The following GSE1 variants were observed in gnomAD, a reference collection of about 807,000 sequenced individuals.
GSE1 encodes genetic suppressor element 1.
Under a neutral mutation model 112.6 loss-of-function variants are expected in GSE1, and 32 were observed. The observed-to-expected ratio is 0.28, with a 90% CI of 0.21 to 0.38. The LOEUF (loss-of-function observed/expected upper bound fraction) is 0.38. GSE1 is among the 10% of genes least tolerant of loss of function. The pLI is 1.00. For missense variants in GSE1, 2,348 were observed against 1,699.2 expected, an observed-to-expected ratio of 1.38 and a Z score of -6.71; for synonymous variants, 1,115 against 735.6, an observed-to-expected ratio of 1.52 and a Z score of -8.35.
chr16:85,235,754 G>T (rs960848601), intron 1 of GSE1, among the ~76,000 whole-genome samples: 1 of 151,824 alleles, frequency 6.6e-6, no homozygotes, highest in Non-Finnish European at 1.5e-5. Context: ...GGGCCCGCCC[G>T]CCCCAGGAAG....
chr16:85,346,230 C>T (rs1342706225), intron 1 of GSE1, among the ~76,000 whole-genome samples: 3 of 57,022 alleles, frequency 5.3e-5, no homozygotes, highest in South Asian at 6.5e-4. Context: ...GATGGAGGGG[C>T]GGGTGGGTGG....
chr16:85,315,648 A>C (rs994840615), intron 1 of GSE1, among the ~76,000 whole-genome samples: 2 of 152,192 alleles, frequency 1.3e-5, no homozygotes, highest in Non-Finnish European at 2.9e-5. Flanking sequence ...ACCGTGTGTA[A>C]GGCAAGAGAG....
At chr16:85,321,932 C>T (rs1317844879) in intron 1 of GSE1, among the ~76,000 whole-genome samples, 1 of 152,218 alleles carries the variant, frequency 6.6e-6, no homozygotes, top group African/African-American at 2.4e-5. Context: ...GGTCCTGAGC[C>T]AGCTGGGGTA....
At chr16:85,188,815 A>C (rs1049951758) in intron 1 of GSE1, among the ~76,000 whole-genome samples, 1 of 150,542 alleles carries the variant, frequency 6.6e-6, no homozygotes, top group Admixed American at 6.6e-5. Context: ...TTAAAAAAAA[A>C]AAAAACAAAA....
intron 2 of GSE1, among the ~76,000 whole-genome samples, chr16:85,500,353 T>G (rs2051318776): frequency 1.3e-5 from 2 of 152,234 alleles, no homozygotes; most frequent in Non-Finnish European, 2.9e-5. Flanking sequence ...TCAATAGGTT[T>G]CAATCAATTA....
chr16:85,287,926 G>C (rs1409175930), intron 1 of GSE1, among the ~76,000 whole-genome samples: 2 of 152,192 alleles, frequency 1.3e-5, no homozygotes, highest in Non-Finnish European at 2.9e-5. Context: ...GTGGAAGGAA[G>C]AAATGGAGAT....
At chr16:85,289,200 A>G (rs1440835933) in intron 1 of GSE1, among the ~76,000 whole-genome samples, 1 of 152,142 alleles carries the variant, frequency 6.6e-6, no homozygotes, top group South Asian at 2.1e-4. Context: ...GACCTGCTAC[A>G]TGGGAGGGTC....
At chr16:85,502,263 C>T (rs951771725) in intron 2 of GSE1, among the ~76,000 whole-genome samples, 1 of 152,182 alleles carries the variant, frequency 6.6e-6, no homozygotes, top group Non-Finnish European at 1.5e-5. Context: ...CCTAGGTGCG[C>T]ACAGTGGAGT....
At chr16:85,529,114 T>G (rs1020847450) in intron 2 of GSE1, among the ~76,000 whole-genome samples, 1 of 152,030 alleles carries the variant, frequency 6.6e-6, no homozygotes, top group African/African-American at 2.4e-5. Context: ...CCTGCAGTTG[T>G]CCAGGGGGGT....
chr16:85,576,345 C>G (rs1405529600), intron 1 of GSE1, among the ~76,000 whole-genome samples: 2 of 152,144 alleles, frequency 1.3e-5, no homozygotes, highest in Non-Finnish European at 2.9e-5. Context: ...CCAGACTCTA[C>G]GAGGAAATAG....
chr16:85,671,439 CAAAAA>C lies in GSE1; in HGVS notation c.3519+355_3519+359del, dbSNP rs1159665909. ...TGGGCGACAGAGCGAGACTCCGTCT[CAAAAA>C]AAAAAAAAAAAAAGATCAAAATTTG... On this transcript the variant is annotated intron_variant, in intron 15 of 15. Transcript: ENST00000253458. 1.8e-4 allele frequency among the ~76,000 whole-genome samples: 11 copies of C among 61,304 alleles called. 1 individual carries two copies. The highest frequency in any genetic ancestry group is 2.6e-4 in the Non-Finnish European group (9 of 34,004). 40.2% of individuals were successfully genotyped at this position (61,304 alleles called of 152,430 possible).
intron 2 of GSE1, among the ~76,000 whole-genome samples, chr16:85,547,181 G>A (rs543619660): frequency 1.3e-4 from 20 of 152,230 alleles, no homozygotes; most frequent in Non-Finnish European, 2.8e-4. Flanking sequence ...ACAATGCCCA[G>A]AGCTTCCCAG....
intron 1 of GSE1, among the ~76,000 whole-genome samples, chr16:85,195,533 G>A (rs1195897342): frequency 1.3e-5 from 2 of 152,146 alleles, no homozygotes; most frequent in Admixed American, 1.3e-4. Context: ...TTAGAGTCTT[G>A]GAGTATTGCT....
intron 1 of GSE1, among the ~76,000 whole-genome samples, chr16:85,199,979 C>T (rs565074848): frequency 6.6e-6 from 1 of 152,260 alleles, no homozygotes; most frequent in South Asian, 2.1e-4. Flanking sequence ...GACGCAGCCA[C>T]CAGCCCCTGC....
At chr16:85,610,097 C>G (rs772738022), upstream of GSE1, among the ~76,000 whole-genome samples, 2 of 152,194 alleles carry the variant, frequency 1.3e-5, no homozygotes. Context: ...GCCTGCCTTC[C>G]GCTCTTGGAG....
At chr16:85,409,277 C>T (rs1400752466) in intron 2 of GSE1, among the ~76,000 whole-genome samples, 4 of 44,162 alleles carry the variant, frequency 9.1e-5, no homozygotes, top group African/African-American at 3.3e-4. Flanking sequence ...ACTCAGGGTC[C>T]CTCTGATAAT....
chr16:85,408,480 T>A (rs544542640), intron 2 of GSE1, among the ~76,000 whole-genome samples: 9 of 46,638 alleles, frequency 1.9e-4, no homozygotes, highest in East Asian at 9.8e-4. Flanking sequence ...TCACTGTTAC[T>A]CTCAGGGCAC....
intron 2 of GSE1, among the ~76,000 whole-genome samples, chr16:85,527,658 G>A (rs539342319): frequency 5.3e-5 from 8 of 152,368 alleles, no homozygotes; most frequent in South Asian, 2.1e-4. Context: ...AAGCGGGGCC[G>A]GCAGCCCTGG....
In GSE1 at chr16:85,656,743, C is replaced by A. The variant is rs905848381; in HGVS notation, c.1312+78C>A. Reference sequence around the variant, plus strand: ...AGGAGCCCTGAATCGCAGCACCTGCCGGTTGCCGTGGTGTAAATGTTCCCC... The same window carrying A: ...AGGAGCCCTGAATCGCAGCACCTGCAGGTTGCCGTGGTGTAAATGTTCCCC... On this transcript the variant is annotated intron_variant, in intron 7 of 15. Coordinates refer to ENST00000253458, the MANE Select transcript of GSE1 (RefSeq NM_014615.5). 2.1e-6 allele frequency: 3 copies of A among 1,433,408 alleles called. No individual in the cohort carries two copies. In the East Asian group the frequency reaches 7.5e-5, roughly 36 times the overall value. The allele number at this position is 1,433,408 out of a possible 1,614,324, so 88.8% of individuals were successfully genotyped here. A position where few individuals can be genotyped will look rare whatever the true frequency, so the allele number is the denominator to read the frequency against.
Sources: gnomAD v4.1 joint callset for allele counts (sites outside exome capture counted in the v4.1 genomes callset) on GRCh38, gnomAD v4.1.1 for gene constraint, MANE v1.5 for transcripts, NCBI Gene and HGNC (gene_info 2026-07-23, HGNC 2026-07-21) for gene names.